CHAF1A: variants seen among roughly 807,000 people sequenced by gnomAD.
CHAF1A encodes the protein chromatin assembly factor 1 subunit A.
In CHAF1A, 5 loss-of-function variants were observed where a neutral mutation model predicts 93.2. The ratio of observed to expected loss-of-function variants is 0.05; its 90% CI spans 0.03 to 0.11. CHAF1A has a LOEUF of 0.11. Among genes scored for constraint, CHAF1A ranks in the 10% least tolerant of loss-of-function variants. The probability of loss-of-function intolerance (pLI) is 1.00; values close to 1 mark genes in which losing one functional copy is unlikely to be tolerated. For missense variants in CHAF1A, 1,102 were observed against 1,259.9 expected (o/e 0.87, Z 1.90); for synonymous variants, 504 against 510.3 (o/e 0.99, Z 0.17).
At chr19:4,404,340 G>A (rs1441780293) in intron 1 of CHAF1A, among the ~76,000 whole-genome samples, 1 of 152,152 alleles carries the variant, frequency 6.6e-6, no homozygotes, top group East Asian at 1.9e-4. Context: ...ATGAGGGTGG[G>A]TCCTGTTTTT....
intron 13 of CHAF1A, among the ~76,000 whole-genome samples, chr19:4,434,721 C>T (rs1017890139): frequency 3.3e-5 from 5 of 151,930 alleles, no homozygotes; most frequent in Admixed American, 6.6e-5. Flanking sequence ...TTTTGTTCAA[C>T]GGTTCTTGAA....
chr19:4,426,162 A>T, intron 7 of CHAF1A, among the ~76,000 whole-genome samples: 2 of 123,696 alleles, frequency 1.6e-5, no homozygotes, highest in African/African-American at 3.1e-5. Flanking sequence ...CTCTTTGTTT[A>T]CAGTCTTTTT....
At position 4,423,467 on chromosome 19, in the gene CHAF1A, C is replaced by T. The variant is rs1222155434; in HGVS notation, c.1308+72C>T. The T allele has an allele frequency of 4.4e-6, 7 of 1,607,014 alleles. No homozygotes were observed. The Admixed American group carries it at 1.2e-4, about 28-fold the overall frequency. On this transcript the variant is annotated intron_variant, in intron 6 of 14. Coordinates refer to ENST00000301280, the MANE Select transcript of CHAF1A (RefSeq NM_005483.3). ...GCAGATGCCCAAAGTGGAATTCTTGCCACAGCCGTCACCTAATATTCTCTT... is the reference window on the plus strand; with the variant it reads ...GCAGATGCCCAAAGTGGAATTCTTGTCACAGCCGTCACCTAATATTCTCTT...
chr19:4,433,232 A>G lies in CHAF1A; in HGVS notation c.2366A>G (p.Asp789Gly), dbSNP rs1177304960. Residue 789 changes from aspartate (D) to glycine (G), a missense_variant, in exon 13 of 15, where the codon GAT (aspartate) becomes GGT (glycine). Physicochemically the swap from Asp to Gly is moderately conservative, Grantham distance 94. Coordinates refer to ENST00000301280, the MANE Select transcript of CHAF1A (RefSeq NM_005483.3). This position sits in a 1 kb window ranked among gnomAD's most constrained non-coding sequence, Gnocchi z 5.6. Reference protein sequence around the residue: ...TYLHTPTPSEDAAIPSKSRLK... With the variant: ...TYLHTPTPSEGAAIPSKSRLK... ...CTGCACACCCCCACCCCCAGCGAGG[A>G]TGCCGCCATCCCCTCTAAGTCCCGG... The G allele has an allele frequency of 3.7e-6, 6 of 1,614,006 alleles. No individual in the cohort carries two copies. Among genetic ancestry groups the G allele is most frequent in the Admixed American group, 1.7e-5 (1 of 59,994 alleles).
Position 4,433,012 on chromosome 19 carries a change from G to T in CHAF1A, c.2204-58G>T. On this transcript the variant is annotated intron_variant, in intron 12 of 14. Coordinates refer to ENST00000301280, the MANE Select transcript of CHAF1A (RefSeq NM_005483.3). The surrounding 1 kb of genome is among the most constrained non-coding windows in gnomAD (Gnocchi z 5.6). ...GCTTGTGTATGTGTTTTGTTTTTTG[G>T]CCTGTGGTGATGGGTGGCTCCCCAA... is the stretch of plus-strand genomic sequence containing the variant. 4 of 1,364,516 alleles carry T rather than the reference G, an allele frequency of 2.9e-6. No homozygotes were observed. Among genetic ancestry groups the T allele is most frequent in the Admixed American group, 2.5e-5 (1 of 40,020 alleles). 84.5% of individuals were successfully genotyped at this position (1,364,516 alleles called of 1,614,324 possible). A position where few individuals can be genotyped will look rare whatever the true frequency, so the allele number is the denominator to read the frequency against.
Position 4,409,359 on chromosome 19 carries a change from G to T in CHAF1A, c.560G>T (p.Gly187Val). 6.2e-7 allele frequency: 1 copy of T among 1,613,860 alleles called. No homozygotes were observed. The highest frequency in any genetic ancestry group is 8.5e-7 in the Non-Finnish European group (1 of 1,179,902). The change falls in exon 3 of 15, where the codon GGT becomes GTT. Residue 187 changes from glycine (G) to valine (V), a missense_variant. Coordinates refer to ENST00000301280, the MANE Select transcript of CHAF1A (RefSeq NM_005483.3). ...SDIPCKTEEE[G>V]VGCGGAGRRG... The stretch of plus-strand genomic sequence containing the variant: ...ATTCCTTGCAAAACAGAGGAGGAGG[G>T]TGTTGGCTGTGGAGGTGCAGGGAGG...
chr19:4,427,395 C>G (rs950014509), intron 7 of CHAF1A, among the ~76,000 whole-genome samples: 9 of 139,940 alleles, frequency 6.4e-5, no homozygotes, highest in Non-Finnish European at 1.1e-4. Context: ...TGCAGTGGCA[C>G]GATCTCGGCT....
chr19:4,447,177 C>T (rs1974551465), downstream of CHAF1A: 1 of 590,266 alleles, frequency 1.7e-6, no homozygotes, highest in Non-Finnish European at 3.0e-6. Flanking sequence ...CCAGACACTG[C>T]TGGGGCCTGA....
downstream of CHAF1A, chr19:4,445,833 C>G: frequency 9.6e-7 from 1 of 1,041,666 alleles, no homozygotes; most frequent in East Asian, 2.6e-5. Context: ...CGCACGTCAC[C>G]GCTCCCATTT....
Position 4,442,346 on chromosome 19 carries a change from GAA to G in CHAF1A, c.2770+6_2770+7del. Reference sequence around the variant, plus strand: ...TGGATGTCCCGGATGCTGCGGGTGAGAAGGGCTGTAGATAGCAGAACGCACTG... The same window carrying G: ...TGGATGTCCCGGATGCTGCGGGTGAGGGGCTGTAGATAGCAGAACGCACTG... On this transcript the variant is annotated splice_donor_region_variant and intron_variant, in intron 14 of 14. Coordinates refer to ENST00000301280, the MANE Select transcript of CHAF1A (RefSeq NM_005483.3). The G allele has an allele frequency of 6.3e-7, 1 of 1,581,020 alleles. No homozygotes were observed. Among genetic ancestry groups the G allele is most frequent in the Non-Finnish European group, 8.6e-7 (1 of 1,161,498 alleles).
At chr19:4,408,777 A>G in intron 2 of CHAF1A, 126 bp from the exon 3 acceptor site, 2 of 1,240,898 alleles carry the variant, frequency 1.6e-6, no homozygotes, top group Non-Finnish European at 2.2e-6. Flanking sequence ...CCCGGCCCAG[A>G]TAGTCCCTTT....
Position 4,417,871 on chromosome 19 carries a change from ACACATGTATG to A in CHAF1A, c.961-144_961-135del, listed in dbSNP as rs1973922840. The A allele has an allele frequency of 1.2e-5, 6 of 508,316 alleles. No homozygotes were observed. In the East Asian group the frequency reaches 1.7e-4, roughly 14 times the overall value. 31.5% of individuals were successfully genotyped at this position (508,316 alleles called of 1,614,324 possible). On this transcript the variant is annotated intron_variant, in intron 3 of 14. Transcript: ENST00000301280. ...TCTCTTGTTATCTAATCCCAGATAC[ACACATGTATG>A]CACACTTACTGGAGTTTGTGACCCT... is the stretch of plus-strand genomic sequence containing the variant.
chr19:4,440,159 A>G (rs1974359239), intron 13 of CHAF1A, among the ~76,000 whole-genome samples: 1 of 152,128 alleles, frequency 6.6e-6, no homozygotes, highest in African/African-American at 2.4e-5. Context: ...GAATTTTTTG[A>G]GGACTATCCT....
At position 4,433,600 on chromosome 19, in the gene CHAF1A, GTTGTT is replaced by G. The variant is rs1414720160; in HGVS notation, c.2673+69_2673+73del. 5.1e-6 allele frequency: 7 copies of G among 1,375,956 alleles called. No homozygotes were observed. The East Asian group carries it at 1.2e-4, about 23-fold the overall frequency. The allele number at this position is 1,375,956 out of a possible 1,614,324, so 85.2% of individuals were successfully genotyped here. On this transcript the variant is annotated intron_variant, in intron 13 of 14. Coordinates refer to ENST00000301280, the MANE Select transcript of CHAF1A (RefSeq NM_005483.3). This position sits in a 1 kb window ranked among gnomAD's most constrained non-coding sequence, Gnocchi z 5.6. Reference sequence around the variant, plus strand: ...GCTTTTCTTTTTTTGTTTGTTTTTTGTTGTTTTGTTTTTTTTTCGAGATGGAGTCC... The same window carrying G: ...GCTTTTCTTTTTTTGTTTGTTTTTTGTTGTTTTTTTTTCGAGATGGAGTCC...
chr19:4,442,393 T>A, intron 14 of CHAF1A, 52 bp downstream of exon 14: 1 of 1,419,454 alleles, frequency 7.0e-7, no homozygotes, highest in Non-Finnish European at 9.7e-7. Context: ...GCGCTGGAGG[T>A]AAACCTCAAC....
chr19:4,403,273 A>G (rs1973619619), intron 1 of CHAF1A, among the ~76,000 whole-genome samples: 1 of 152,156 alleles, frequency 6.6e-6, no homozygotes, highest in African/African-American at 2.4e-5. Flanking sequence ...GGGTAAGAAG[A>G]GGCCCAGATG....
chr19:4,431,318 G>A (rs959282951), intron 11 of CHAF1A, among the ~76,000 whole-genome samples: 26 of 151,662 alleles, frequency 1.7e-4, no homozygotes, highest in Non-Finnish European at 4.4e-5. Flanking sequence ...TAGTAGAGAC[G>A]GGAGTTCATT....
chr19:4,445,184 C>G (rs1395096440), downstream of CHAF1A: 1 of 353,046 alleles, frequency 2.8e-6, no homozygotes. Flanking sequence ...GGCCTGCTCT[C>G]CTGCCCAGGG....
chr19:4,421,510 C>T (rs1490665944), intron 4 of CHAF1A, among the ~76,000 whole-genome samples: 2 of 152,116 alleles, frequency 1.3e-5, no homozygotes, highest in South Asian at 2.1e-4. Context: ...GGTGCTGGGG[C>T]TCATGCCTAT....
Sources: gnomAD v4.1 joint callset for allele counts (sites outside exome capture counted in the v4.1 genomes callset) on GRCh38, gnomAD v4.1.1 for gene constraint, Gnocchi (gnomAD v3.1) non-coding constraint, MANE v1.5 for transcripts, NCBI Gene and HGNC (gene_info 2026-07-23, HGNC 2026-07-21) for gene names.